Variants in BANP observed in about 807,000 individuals in gnomAD.
BANP encodes protein BANP.
In BANP, 11 loss-of-function variants were observed where a neutral mutation model predicts 68.1. The observed-to-expected ratio is 0.16, with a 90% CI of 0.10 to 0.27. The LOEUF is 0.27. Among genes scored for constraint, BANP ranks in the 10% least tolerant of loss-of-function variants. The pLI, the probability that BANP is intolerant of heterozygous loss-of-function variation, is 1.00. For synonymous variants in BANP, 329 were observed against 303.2 expected (o/e 1.09, Z -0.88); for missense variants, 504 against 722.7 (o/e 0.70, Z 3.47).
At chr16:87,984,984 G>A (rs2064030522) in intron 4 of BANP, among the ~76,000 whole-genome samples, 1 of 152,254 alleles carries the variant, frequency 6.6e-6, no homozygotes, top group Admixed American at 6.5e-5. Context: ...CCTGGCTGTA[G>A]CCTTCTGCCC....
chr16:88,002,345 A>T lies in BANP; in HGVS notation c.363-1950A>T, dbSNP rs1308378685. On this transcript the variant is annotated intron_variant, in intron 4 of 13. Coordinates refer to ENST00000682872, the MANE Select transcript of BANP (RefSeq NM_001386991.1). This position sits in a 1 kb window ranked among gnomAD's most constrained non-coding sequence, Gnocchi z 4.6. ...AAGATTGCAACCCAGCTGACTTACC[A>T]AGGGCTTTCTAGTCAGCCGGTGAGG... Among the ~76,000 whole-genome samples, 1 of 152,020 alleles carries T rather than the reference A, an allele frequency of 6.6e-6. No individual in the cohort carries two copies. Among genetic ancestry groups the T allele is most frequent in the African/African-American group, 2.4e-5 (1 of 41,386 alleles).
At chr16:87,967,715 G>A (rs1466723498) in intron 1 of BANP, among the ~76,000 whole-genome samples, 1 of 150,848 alleles carries the variant, frequency 6.6e-6, no homozygotes, top group East Asian at 2.0e-4. Flanking sequence ...TCCGCCTCCT[G>A]GGTTCAAGTG....
At chr16:88,048,864 A>G (rs1399927637) in intron 11 of BANP, among the ~76,000 whole-genome samples, 1 of 152,218 alleles carries the variant, frequency 6.6e-6, no homozygotes, top group East Asian at 1.9e-4. Context: ...ATTGGCGCTC[A>G]CCACAGATTC....
intron 6 of BANP, among the ~76,000 whole-genome samples, chr16:88,007,654 G>A (rs369763126): frequency 3.2e-4 from 48 of 152,330 alleles, no homozygotes; most frequent in African/African-American, 1.0e-3. Flanking sequence ...CTGCATCTGC[G>A]TCTGAGTTGT....
chr16:87,975,172 C>A lies in BANP; in HGVS notation c.57C>A (p.Ser19Arg). 6.2e-7 allele frequency: 1 copy of A among 1,614,102 alleles called. No individual in the cohort carries two copies. The highest frequency in any genetic ancestry group is 1.3e-5 in the African/African-American group (1 of 75,008). ...TTCAGATTGCAGTGGAAGACCTGAG[C>A]CCTGACCACCCAGGTACAGAGCTGT... ...DVVQIAVEDL[S>R]PDHPVVLENH... is the part of the protein sequence containing the mutation. Residue 19 changes from serine (S) to arginine (R), a missense_variant, in exon 2 of 14, where the codon AGC becomes AGA. By Grantham distance (110) the Ser-to-Arg change is moderately radical (BLOSUM62 -1). Around this residue, in one of 3 missense-constraint regions of BANP, gnomAD observed 238 missense variants for 278.9 expected, o/e 0.85. Transcript: ENST00000682872.
At chr16:87,970,345 T>G (rs1343630052) in intron 1 of BANP, among the ~76,000 whole-genome samples, 3 of 152,256 alleles carry the variant, frequency 2.0e-5, no homozygotes, top group Admixed American at 2.0e-4. Flanking sequence ...TAGATGGTGC[T>G]GAATTCTTCA....
chr16:88,067,973 T>TC (rs1030032714), intron 12 of BANP, among the ~76,000 whole-genome samples: 50 of 149,026 alleles, frequency 3.4e-4, no homozygotes, highest in African/African-American at 1.2e-3. Flanking sequence ...AGACCCGCCC[T>TC]CCCCCCACTG....
chr16:88,066,474 C>G (rs1364109807), intron 12 of BANP, among the ~76,000 whole-genome samples: 1 of 152,232 alleles, frequency 6.6e-6, no homozygotes, highest in East Asian at 1.9e-4. Context: ...AGAAGGAGCT[C>G]GAAGGAACCC....
chr16:87,984,471 G>A (rs769266588), intron 4 of BANP, among the ~76,000 whole-genome samples: 30 of 152,192 alleles, frequency 2.0e-4, no homozygotes, highest in Non-Finnish European at 2.9e-5. Context: ...TCATCCTCAC[G>A]TTTCCTTTCC....
At chr16:87,980,840 G>A (rs2063120407) in intron 2 of BANP, 196 bp from the exon 3 acceptor site, 5 of 560,562 alleles carry the variant, frequency 8.9e-6, no homozygotes, top group Non-Finnish European at 1.6e-5. Context: ...CCCAGTGTCT[G>A]GGCTTTTCTT....
intron 1 of BANP, among the ~76,000 whole-genome samples, chr16:87,951,954 G>A (rs537025348): frequency 5.3e-5 from 8 of 152,296 alleles, no homozygotes; most frequent in African/African-American, 1.9e-4. Flanking sequence ...GGAGCGACAG[G>A]CATCGTTTTT....
intron 7 of BANP, among the ~76,000 whole-genome samples, chr16:88,019,728 C>T (rs904878757): frequency 6.7e-6 from 1 of 150,258 alleles, no homozygotes; most frequent in Non-Finnish European, 1.5e-5. Context: ...CGTGCGGGAT[C>T]TCAGCGTGCA....
At chr16:88,049,806 C>G (rs776169602) in intron 11 of BANP, among the ~76,000 whole-genome samples, 52 of 152,322 alleles carry the variant, frequency 3.4e-4, no homozygotes, top group Middle Eastern at 3.4e-3. Context: ...ACACGACGCC[C>G]CAGCCACACG....
chr16:88,060,939 G>A (rs1384995831), intron 11 of BANP, among the ~76,000 whole-genome samples: 1 of 130,956 alleles, frequency 7.6e-6, no homozygotes, highest in African/African-American at 2.9e-5. Flanking sequence ...GGGTGACTTT[G>A]GTTGTGTTCT....
At chr16:88,020,987 G>C (rs1473464839) in intron 7 of BANP, among the ~76,000 whole-genome samples, 8 of 152,178 alleles carry the variant, frequency 5.3e-5, no homozygotes, top group Admixed American at 5.2e-4. Flanking sequence ...ACTGTATGGG[G>C]CAGAATGGGG....
Position 87,992,016 on chromosome 16 carries a change from A to G in BANP, c.362+7757A>G, listed in dbSNP as rs575176547. Among the ~76,000 whole-genome samples, 38 of 152,356 alleles carry G rather than the reference A, an allele frequency of 2.5e-4. No homozygotes were observed. The East Asian group carries it at 6.5e-3, about 26-fold the overall frequency. Reference sequence around the variant, plus strand: ...ACATTTTTCCCAGATGCTCTTAATCAGATTGAAGAAGTTTCCTTCTATTCT... The same window carrying G: ...ACATTTTTCCCAGATGCTCTTAATCGGATTGAAGAAGTTTCCTTCTATTCT... On this transcript the variant is annotated intron_variant, in intron 4 of 13. Transcript: ENST00000682872.
At chr16:87,962,535 C>G (rs949302969) in intron 1 of BANP, among the ~76,000 whole-genome samples, 5 of 152,130 alleles carry the variant, frequency 3.3e-5, no homozygotes, top group African/African-American at 1.2e-4. Context: ...GCCTTAGAGC[C>G]TAGACGCTTC....
At chr16:88,043,882 CAAAA>C (rs2081366708) in intron 11 of BANP, among the ~76,000 whole-genome samples, 1 of 142,804 alleles carries the variant, frequency 7.0e-6, no homozygotes, top group African/African-American at 2.9e-5. Flanking sequence ...TTCTGAAAAA[CAAAA>C]AAAGCCCTTA....
chr16:87,968,423 G>C (rs1357146231), intron 1 of BANP, among the ~76,000 whole-genome samples: 4 of 150,034 alleles, frequency 2.7e-5, no homozygotes, highest in Non-Finnish European at 5.9e-5. Context: ...GGCAGAGGTT[G>C]CGGTGAGCTG....
Sources: allele counts gnomAD v4.1 joint callset (sites outside exome capture counted in the v4.1 genomes callset), GRCh38; gene constraint gnomAD v4.1.1; regional missense constraint gnomAD v4.1.1; non-coding constraint Gnocchi (gnomAD v3.1); transcripts MANE v1.5; gene names NCBI Gene and HGNC (gene_info 2026-07-23, HGNC 2026-07-21).